RTN1: variants seen among roughly 807,000 people sequenced by gnomAD.
RTN1 encodes the protein reticulon-1.
Under a neutral mutation model 65.5 loss-of-function variants are expected in RTN1, and 25 were observed. That is an observed-to-expected ratio of 0.38 (90% confidence interval 0.28 to 0.53). RTN1 has a LOEUF of 0.53. Ranked by LOEUF, RTN1 falls within the 20% of genes least tolerant of loss-of-function variation. The pLI is 0.79. For synonymous variants in RTN1, 471 were observed against 447.6 expected (o/e 1.05, Z -0.66); for missense variants, 983 against 1,025.4 (o/e 0.96, Z 0.57).
At chr14:59,826,116 G>C (rs1382390291) in intron 1 of RTN1, among the ~76,000 whole-genome samples, 1 of 152,176 alleles carries the variant, frequency 6.6e-6, no homozygotes, top group African/African-American at 2.4e-5. Flanking sequence ...AGAAAAAAGA[G>C]AGAGAGAGAA....
At chr14:59,764,082 T>A (rs1885802663) in intron 1 of RTN1, among the ~76,000 whole-genome samples, 1 of 152,012 alleles carries the variant, frequency 6.6e-6, no homozygotes, top group Middle Eastern at 3.4e-3. Context: ...AAAGGTGAAG[T>A]AATGAGTGGG....
chr14:59,650,460 C>A (rs1401444797), intron 3 of RTN1, among the ~76,000 whole-genome samples: 1 of 152,156 alleles, frequency 6.6e-6, no homozygotes, highest in Admixed American at 6.6e-5. Context: ...GACAGGAAGT[C>A]AAACTATTTT....
intron 1 of RTN1, among the ~76,000 whole-genome samples, chr14:59,814,299 C>T (rs554992205): frequency 1.3e-4 from 20 of 152,286 alleles, no homozygotes; most frequent in African/African-American, 2.9e-4. Context: ...ATTTATATCA[C>T]GGCAGACGCT....
At chr14:59,831,462 C>A (rs1415755434) in intron 1 of RTN1, among the ~76,000 whole-genome samples, 1 of 152,150 alleles carries the variant, frequency 6.6e-6, no homozygotes. Context: ...GGGGCTCAAG[C>A]TGGCCAACCT....
chr14:59,638,733 C>T (rs559083292), intron 3 of RTN1, among the ~76,000 whole-genome samples: 1 of 152,278 alleles, frequency 6.6e-6, no homozygotes, highest in Non-Finnish European at 1.5e-5. Context: ...AGAGTGAGGG[C>T]CTTGGTCTGG....
chr14:59,852,561 T>C (rs1187339525), intron 1 of RTN1, among the ~76,000 whole-genome samples: 1 of 152,142 alleles, frequency 6.6e-6, no homozygotes, highest in Non-Finnish European at 1.5e-5. Context: ...ACAGACTCAG[T>C]AAATACACAA....
intron 3 of RTN1, among the ~76,000 whole-genome samples, chr14:59,704,264 G>A (rs1229462887): frequency 2.0e-5 from 3 of 152,004 alleles, no homozygotes; most frequent in Non-Finnish European, 2.9e-5. Flanking sequence ...GAACAACCCC[G>A]CCCCCTCACC....
intron 6 of RTN1, chr14:59,603,619 C>T (rs1881649071): frequency 3.0e-6 from 1 of 331,352 alleles, no homozygotes; most frequent in Non-Finnish European, 5.5e-6. Context: ...CAGAAAGAAG[C>T]CAGTTATGTT....
intron 2 of RTN1, among the ~76,000 whole-genome samples, chr14:59,730,003 G>C (rs1005637557): frequency 1.3e-5 from 2 of 152,158 alleles, no homozygotes; most frequent in African/African-American, 4.8e-5. Context: ...TTAGGTCTAG[G>C]GGTAGTAACA....
chr14:59,612,101 G>A (rs1881968401), intron 3 of RTN1, among the ~76,000 whole-genome samples: 1 of 152,208 alleles, frequency 6.6e-6, no homozygotes, highest in African/African-American at 2.4e-5. Flanking sequence ...TTTCCAGGCT[G>A]ATATTGGGTG....
intron 8 of RTN1, among the ~76,000 whole-genome samples, chr14:59,598,552 G>C (rs1036937611): frequency 5.3e-5 from 8 of 152,168 alleles, no homozygotes; most frequent in African/African-American, 1.9e-4. Context: ...AGGACCAGAA[G>C]GGAGTTGGAC....
intron 1 of RTN1, among the ~76,000 whole-genome samples, chr14:59,753,171 G>C (rs1200780792): frequency 1.3e-5 from 2 of 152,168 alleles, no homozygotes; most frequent in Non-Finnish European, 2.9e-5. Flanking sequence ...AGTAATAATT[G>C]AGGGAACAGA....
chr14:59,835,587 C>T (rs1413874035), intron 1 of RTN1, among the ~76,000 whole-genome samples: 1 of 152,160 alleles, frequency 6.6e-6, no homozygotes, highest in Non-Finnish European at 1.5e-5. Context: ...AGTGATCAAA[C>T]TGGACAAAAT....
chr14:59,848,516 C>T (rs2139660327), intron 1 of RTN1, among the ~76,000 whole-genome samples: 1 of 152,236 alleles, frequency 6.6e-6, no homozygotes, highest in Admixed American at 6.5e-5. Flanking sequence ...AAGGTTTTTG[C>T]TGATTATTCT....
chr14:59,662,697 T>G (rs1469149052), intron 3 of RTN1, among the ~76,000 whole-genome samples: 1 of 152,104 alleles, frequency 6.6e-6, no homozygotes, highest in Non-Finnish European at 1.5e-5. Flanking sequence ...TACCTAGGAA[T>G]ACAACTTAAA....
At chr14:59,828,311 T>C (rs1887068321) in intron 1 of RTN1, among the ~76,000 whole-genome samples, 1 of 152,192 alleles carries the variant, frequency 6.6e-6, no homozygotes, top group African/African-American at 2.4e-5. Context: ...CTATACATCA[T>C]TAGAATGGAG....
At chr14:59,867,392 T>C (rs1447081509) in intron 1 of RTN1, among the ~76,000 whole-genome samples, 1 of 152,222 alleles carries the variant, frequency 6.6e-6, no homozygotes. Context: ...TGTTCCCTTG[T>C]CAACACACAT....
rs576787683 is a variant in RTN1 at position 59,662,023 on chromosome 14, T to C, written c.1766-54531A>G. ...AACCCCACTGTCTCAGCCCAAAATC[T>C]CCTTAAGTTGATAAGCAACTTGATA... On this transcript the variant is annotated intron_variant, in intron 3 of 8. Coordinates refer to ENST00000267484, the MANE Select transcript of RTN1 (RefSeq NM_021136.3). 3.9e-5 allele frequency among the ~76,000 whole-genome samples: 6 copies of C among 152,294 alleles called. No homozygotes were observed. The South Asian group carries it at 1.2e-3, about 32-fold the overall frequency.
At position 59,749,708 on chromosome 14, in the gene RTN1, T is replaced by G. The variant is rs1409807516; in HGVS notation, c.242-3227A>C. ...ATATTTACATATATATCTATATATATCTATATATTTATATATCTATATATT... is the reference window on the plus strand; with the variant it reads ...ATATTTACATATATATCTATATATAGCTATATATTTATATATCTATATATT... On this transcript the variant is annotated intron_variant, in intron 1 of 8. Coordinates refer to ENST00000267484, the MANE Select transcript of RTN1 (RefSeq NM_021136.3). Among the ~76,000 whole-genome samples, 10 of 91,204 alleles carry G rather than the reference T, an allele frequency of 1.1e-4. No homozygotes were observed. In the Admixed American group the frequency reaches 1.4e-3, roughly 13 times the overall value. The allele number at this position is 91,204 out of a possible 152,430, so 59.8% of individuals were successfully genotyped here.
Sources: allele counts gnomAD v4.1 joint callset (sites outside exome capture counted in the v4.1 genomes callset), GRCh38; gene constraint gnomAD v4.1.1; transcripts MANE v1.5; gene names NCBI Gene and HGNC (gene_info 2026-07-23, HGNC 2026-07-21).